CSMD1: variants seen among roughly 807,000 people sequenced by gnomAD.
CSMD1 encodes CUB and Sushi multiple domains 1.
A neutral mutation model predicts 417.5 loss-of-function variants in CSMD1; 213 were observed. That is an observed-to-expected ratio of 0.51 (90% confidence interval 0.46 to 0.57). The LOEUF is 0.57. CSMD1 is among the 20% of genes least tolerant of loss of function. The pLI is 0.00. For missense variants in CSMD1, 6,923 were observed against 4,529.7 expected (o/e 1.53, Z -15.17); for synonymous variants, 2,862 against 1,736.8 (o/e 1.65, Z -16.11).
chr8:3,750,431 T>G (rs78947838), intron 6 of CSMD1, among the ~76,000 whole-genome samples: 3,014 of 151,758 alleles, frequency 0.02, 106 homozygotes, highest in African/African-American at 0.07. Context: ...CACAATAATG[T>G]TTACATTATG....
At chr8:4,214,885 T>A (rs1800541412) in intron 3 of CSMD1, among the ~76,000 whole-genome samples, 2 of 152,136 alleles carry the variant, frequency 1.3e-5, no homozygotes, top group Admixed American at 1.3e-4. Flanking sequence ...AAAAAATGTA[T>A]ATTCTTTTTT....
intron 2 of CSMD1, among the ~76,000 whole-genome samples, chr8:4,521,507 T>C (rs1443233883): frequency 6.6e-6 from 1 of 152,246 alleles, no homozygotes; most frequent in Non-Finnish European, 1.5e-5. Flanking sequence ...TTCGAAGATT[T>C]AATGAATGAA....
intron 4 of CSMD1, among the ~76,000 whole-genome samples, chr8:3,998,745 CA>C (rs1334065981): frequency 1.3e-5 from 2 of 151,752 alleles, no homozygotes; most frequent in African/African-American, 4.8e-5. Context: ...TAGAAACTAA[CA>C]ATTAAAAAAT....
chr8:4,637,681 T>C, intron 1 of CSMD1, 123 bp from the exon 2 acceptor site: 2 of 433,098 alleles, frequency 4.6e-6, no homozygotes, highest in South Asian at 4.8e-5. Context: ...TTTTTTTTTT[T>C]GAGACGGAGT....
intron 3 of CSMD1, among the ~76,000 whole-genome samples, chr8:4,040,590 C>G (rs1320948407): frequency 1.3e-5 from 2 of 152,170 alleles, no homozygotes; most frequent in Non-Finnish European, 2.9e-5. Context: ...GTTATAATAA[C>G]ATGCATATAT....
chr8:3,357,905 C>T (rs73505695), intron 21 of CSMD1, among the ~76,000 whole-genome samples: 1,607 of 152,238 alleles, frequency 0.011, 26 homozygotes, highest in African/African-American at 0.037. Context: ...GAAACAGACA[C>T]AGATGATTTG....
At chr8:2,980,334 CTCCTCCTCCATT>C (rs897344884) in intron 54 of CSMD1, among the ~76,000 whole-genome samples, 3 of 151,844 alleles carry the variant, frequency 2.0e-5, no homozygotes, top group Admixed American at 6.6e-5. Context: ...CCTCCTCCTC[CTCCTCCTCCATT>C]TCCTCCTCCA....
intron 7 of CSMD1, among the ~76,000 whole-genome samples, chr8:3,649,601 A>G (rs1454481682): frequency 2.0e-5 from 3 of 151,842 alleles, no homozygotes; most frequent in African/African-American, 4.9e-5. Context: ...AAACCAGTAG[A>G]TCTTATGAGA....
intron 5 of CSMD1, among the ~76,000 whole-genome samples, chr8:3,926,528 A>G (rs952811567): frequency 3.3e-5 from 5 of 151,842 alleles, no homozygotes; most frequent in Non-Finnish European, 7.4e-5. Context: ...CACTTACAAA[A>G]AGCAAATAAT....
intron 23 of CSMD1, among the ~76,000 whole-genome samples, chr8:3,309,223 C>T (rs1237207846): frequency 2.0e-5 from 3 of 152,146 alleles, no homozygotes; most frequent in Non-Finnish European, 4.4e-5. Context: ...GGGTGCTTTG[C>T]AGAATCCTGA....
intron 6 of CSMD1, among the ~76,000 whole-genome samples, chr8:3,751,204 G>T (rs959405481): frequency 6.6e-6 from 1 of 151,768 alleles, no homozygotes; most frequent in African/African-American, 2.4e-5. Flanking sequence ...TTACTGTTAA[G>T]CCAGGCTTAC....
At chr8:2,983,622 T>C (rs1293835940) in intron 54 of CSMD1, among the ~76,000 whole-genome samples, 1 of 152,194 alleles carries the variant, frequency 6.6e-6, no homozygotes, top group African/African-American at 2.4e-5. Context: ...ATATCCAAAA[T>C]TTGGCAAAAA....
intron 3 of CSMD1, among the ~76,000 whole-genome samples, chr8:4,035,604 C>G (rs2130600779): frequency 6.6e-6 from 1 of 152,150 alleles, no homozygotes; most frequent in East Asian, 1.9e-4. Flanking sequence ...TTAATGAATA[C>G]AGTTTAAAAA....
intron 5 of CSMD1, among the ~76,000 whole-genome samples, chr8:3,886,189 A>G (rs187469416): frequency 1.3e-5 from 2 of 152,230 alleles, no homozygotes; most frequent in Admixed American, 1.3e-4. Context: ...AGGTGGGATT[A>G]CAGGTGTCCA....
chr8:4,282,304 A>T (rs1796829471), intron 3 of CSMD1, among the ~76,000 whole-genome samples: 1 of 152,208 alleles, frequency 6.6e-6, no homozygotes, highest in South Asian at 2.1e-4. Flanking sequence ...AAGCTCAGGA[A>T]CACTGGAGCA....
rs575526805 is a variant in CSMD1 at position 3,549,231 on chromosome 8, T to C, written c.1344+25714A>G. Among the ~76,000 whole-genome samples the C allele has an allele frequency of 2.0e-5, 3 of 152,350 alleles. No homozygotes were observed. In the East Asian group the frequency reaches 5.8e-4, roughly 29 times the overall value. On this transcript the variant is annotated intron_variant, in intron 10 of 69. Transcript: ENST00000635120. ...AAGCCTCATAAGCATGGTTTCTATG[T>C]TCTGAAAGGGTTGTGGAGACCACAA...
chr8:3,076,470 A>G (rs28694093), intron 49 of CSMD1, among the ~76,000 whole-genome samples: 17,184 of 117,234 alleles, frequency 0.15, 1,017 homozygotes, highest in African/African-American at 0.24. Flanking sequence ...AGGGGACTCA[A>G]TTCAACCCAT....
At position 4,032,131 on chromosome 8, in the gene CSMD1, CA is replaced by C. The variant is rs767421382; in HGVS notation, c.416-33del. The C allele has an allele frequency of 9.1e-6, 14 of 1,546,770 alleles. No individual in the cohort carries two copies. The South Asian group carries it at 1.4e-4, about 16-fold the overall frequency. Reference sequence around the variant, plus strand: ...GAAAAAGAAAAGAAAGGAGAAAAAACAAGTTAAATTTTCCATGGAGAGCCAC... The same window carrying C: ...GAAAAAGAAAAGAAAGGAGAAAAAACAGTTAAATTTTCCATGGAGAGCCAC... On this transcript the variant is annotated intron_variant, in intron 3 of 69. Coordinates refer to ENST00000635120, the MANE Select transcript of CSMD1 (RefSeq NM_033225.6).
intron 3 of CSMD1, among the ~76,000 whole-genome samples, chr8:4,351,371 G>T (rs1801082498): frequency 6.6e-6 from 1 of 152,184 alleles, no homozygotes; most frequent in Non-Finnish European, 1.5e-5. Flanking sequence ...TATTCGTCTT[G>T]TTCTCCTCTC....
Sources: gnomAD v4.1 joint callset for allele counts (sites outside exome capture counted in the v4.1 genomes callset) on GRCh38, gnomAD v4.1.1 for gene constraint, MANE v1.5 for transcripts, NCBI Gene and HGNC (gene_info 2026-07-23, HGNC 2026-07-21) for gene names.